The following RGL3 variants were observed in gnomAD, a reference collection of about 807,000 sequenced individuals.
The protein encoded by RGL3 is ral guanine nucleotide dissociation stimulator-like 3.
RGL3 carries 85 observed loss-of-function variants against 90.6 expected under a neutral mutation model. The observed-to-expected ratio is 0.94, with a 90% CI of 0.79 to 1.12. The LOEUF is 1.12. RGL3 is among the 50% of genes most tolerant of loss of function. The probability of loss-of-function intolerance (pLI) is 0.00; values close to 1 mark genes in which losing one functional copy is unlikely to be tolerated. For missense variants in RGL3, 1,034 were observed against 939.2 expected (o/e 1.10, Z -1.32); for synonymous variants, 408 against 385.5 (o/e 1.06, Z -0.68).
chr19:11,396,714 A>G (rs1326455744), intron 18 of RGL3, among the ~76,000 whole-genome samples: 2 of 145,580 alleles, frequency 1.4e-5, no homozygotes, highest in African/African-American at 2.6e-5. Flanking sequence ...GCCCAGGCTG[A>G]AGTGCAGTGG....
At chr19:11,418,632 G>C in intron 2 of RGL3, 39 bp downstream of exon 2, 1 of 1,474,806 alleles carries the variant, frequency 6.8e-7, no homozygotes, top group South Asian at 1.2e-5. Flanking sequence ...TCAACTGGTC[G>C]CTTCCGGCCC....
At chr19:11,415,811 A>G (rs1968982389) in intron 5 of RGL3, 126 bp downstream of exon 5, 1 of 868,726 alleles carries the variant, frequency 1.2e-6, no homozygotes, top group Admixed American at 2.5e-5. Flanking sequence ...AGATGAAGAA[A>G]TTGAGGCTTA....
chr19:11,412,344 A>C (rs921262530), intron 5 of RGL3, among the ~76,000 whole-genome samples: 1 of 151,978 alleles, frequency 6.6e-6, no homozygotes, highest in African/African-American at 2.4e-5. Context: ...TTTATGTATG[A>C]ATTGACATAA....
intron 5 of RGL3, among the ~76,000 whole-genome samples, chr19:11,414,449 A>ATG (rs1968945356): frequency 1.3e-5 from 1 of 74,130 alleles, no homozygotes; most frequent in Admixed American, 1.7e-4. Flanking sequence ...ATATATACAT[A>ATG]TATATATATA....
intron 1 of RGL3, 69 bp downstream of exon 1, chr19:11,419,177 G>A: frequency 1.3e-6 from 2 of 1,526,500 alleles, no homozygotes; most frequent in Admixed American, 1.8e-5. Flanking sequence ...TCCGACGGGC[G>A]GGCGCTTGGA....
intron 6 of RGL3, 28 bp from the exon 7 acceptor site, chr19:11,406,662 G>A (rs1169214334): frequency 6.3e-7 from 1 of 1,594,812 alleles, no homozygotes; most frequent in Non-Finnish European, 8.5e-7. Flanking sequence ...TGTGGGATTG[G>A]TGCTTAGCAG....
At chr19:11,407,739 T>C (rs1968807788) in intron 5 of RGL3, among the ~76,000 whole-genome samples, 1 of 151,234 alleles carries the variant, frequency 6.6e-6, no homozygotes. Flanking sequence ...CAGGCTGGAA[T>C]GCAATGGCGT....
chr19:11,415,795 T>G, intron 5 of RGL3, 142 bp downstream of exon 5: 4 of 787,614 alleles, frequency 5.1e-6, no homozygotes, highest in Middle Eastern at 3.9e-4. Flanking sequence ...ATTATCCCCA[T>G]TGTAAAGATG....
intron 5 of RGL3, among the ~76,000 whole-genome samples, chr19:11,410,891 T>C (rs995442846): frequency 6.6e-6 from 1 of 152,054 alleles, no homozygotes; most frequent in African/African-American, 2.4e-5. Context: ...AAGGGGGATC[T>C]GTTACAGAAT....
chr19:11,410,910 C>T (rs1005091658), intron 5 of RGL3, among the ~76,000 whole-genome samples: 4 of 151,848 alleles, frequency 2.6e-5, no homozygotes, highest in African/African-American at 7.3e-5. Context: ...ATAAAAGAGA[C>T]TTAGGAACAA....
intron 2 of RGL3, among the ~76,000 whole-genome samples, chr19:11,417,389 A>G (rs1418971911): frequency 4.7e-5 from 7 of 150,382 alleles, no homozygotes. Context: ...ACCTCAAGTA[A>G]TCTGCCCCCC....
chr19:11,418,529 C>T (rs1470009782), intron 2 of RGL3, 142 bp downstream of exon 2: 2 of 635,004 alleles, frequency 3.1e-6, no homozygotes, highest in Non-Finnish European at 5.3e-6. Context: ...AGTCCCCTTT[C>T]TACCTGGTCG....
At position 11,402,682 on chromosome 19, in the gene RGL3, C is replaced by T. The variant is rs780191193; in HGVS notation, c.1210G>A (p.Glu404Lys). The T allele has an allele frequency of 1.2e-6, 2 of 1,613,848 alleles. No individual in the cohort carries two copies. The highest frequency in any genetic ancestry group is 1.7e-5 in the Admixed American group (1 of 59,908). Residue 404 changes from glutamate to lysine, a missense_variant, in exon 10 of 19, where the codon GAA (glutamate) becomes AAA (lysine). By Grantham distance (56) the Glu-to-Lys change is moderately conservative (BLOSUM62 1). Coordinates refer to ENST00000380456, the MANE Select transcript of RGL3 (RefSeq NM_001035223.4). ...AGGCTGCCTGGGGTGTTGTCCTCTT[C>T]TTGGGATCCCTCAGTGGCCTCCTCC... ...FQEEATEGSQ[E>K]EDNTPGSLPS...
intron 16 of RGL3, 22 bp from the exon 17 acceptor site, chr19:11,397,619 G>C (rs1170990040): frequency 6.6e-7 from 1 of 1,516,556 alleles, no homozygotes; most frequent in Non-Finnish European, 8.9e-7. Context: ...AAGGGGTGGA[G>C]GCTACAGCTT....
intron 18 of RGL3, 25 bp downstream of exon 18, chr19:11,397,219 T>C (rs1274560958): frequency 6.2e-7 from 1 of 1,604,592 alleles, no homozygotes; most frequent in East Asian, 2.2e-5. Flanking sequence ...CCCCCTATCC[T>C]GAGCTCCAAC....
At chr19:11,414,134 C>CATATAT (rs56098998) in intron 5 of RGL3, among the ~76,000 whole-genome samples, 15 of 30,424 alleles carry the variant, frequency 4.9e-4, no homozygotes, top group South Asian at 2.0e-3. Flanking sequence ...CTGGAGAAAT[C>CATATAT]ATATATATAT....
intron 16 of RGL3, among the ~76,000 whole-genome samples, chr19:11,399,019 G>A (rs192710864): frequency 2.9e-4 from 44 of 152,150 alleles, no homozygotes; most frequent in African/African-American, 8.4e-4. Flanking sequence ...CTAGAGTGCC[G>A]TGGCATGATC....
At chr19:11,406,307 C>T in intron 7 of RGL3, 112 bp downstream of exon 7, 2 of 1,111,792 alleles carry the variant, frequency 1.8e-6, no homozygotes. Flanking sequence ...ATCAACTTTC[C>T]ACCCCGTTCC....
intron 2 of RGL3, among the ~76,000 whole-genome samples, chr19:11,417,851 G>T (rs1035291026): frequency 1.3e-5 from 2 of 152,000 alleles, no homozygotes; most frequent in African/African-American, 4.8e-5. Flanking sequence ...TTAGAAACAG[G>T]TCTTGTTTTG....
Sources: allele counts gnomAD v4.1 joint callset (sites outside exome capture counted in the v4.1 genomes callset), GRCh38; gene constraint gnomAD v4.1.1; transcripts MANE v1.5; gene names NCBI Gene and HGNC (gene_info 2026-07-23, HGNC 2026-07-21).